The following PDE10A variants were observed in gnomAD, a reference collection of about 807,000 sequenced individuals.
PDE10A encodes the protein phosphodiesterase 10A.
PDE10A carries 39 observed loss-of-function variants against 97.7 expected under a neutral mutation model. The ratio of observed to expected loss-of-function variants is 0.40; its 90% CI spans 0.31 to 0.52. PDE10A has a LOEUF of 0.52. Among genes scored for constraint, PDE10A ranks in the 20% least tolerant of loss-of-function variants. The pLI is 0.56. For synonymous variants in PDE10A, 371 were observed against 376.8 expected, an observed-to-expected ratio of 0.98 and a Z score of 0.18; for missense variants, 731 against 1,047.8, an observed-to-expected ratio of 0.70 and a Z score of 4.17.
chr6:165,475,168 G>C (rs1779225926), intron 3 of PDE10A, among the ~76,000 whole-genome samples: 1 of 151,968 alleles, frequency 6.6e-6, no homozygotes, highest in Non-Finnish European at 1.5e-5. Flanking sequence ...TCACACTTTT[G>C]CCCTAACCGA....
chr6:165,479,391 T>C (rs963719297), intron 3 of PDE10A, among the ~76,000 whole-genome samples: 3 of 152,106 alleles, frequency 2.0e-5, no homozygotes, highest in Non-Finnish European at 4.4e-5. Flanking sequence ...ACTCTGCACC[T>C]GTCACAATGG....
intron 1 of PDE10A, among the ~76,000 whole-genome samples, chr6:165,942,487 T>C (rs1783560819): frequency 6.6e-6 from 1 of 152,086 alleles, no homozygotes; most frequent in South Asian, 2.1e-4. Flanking sequence ...GGGAGATGTG[T>C]TCGGTGTGTG....
chr6:165,642,019 T>A (rs914444952), intron 1 of PDE10A, among the ~76,000 whole-genome samples: 1 of 4,798 alleles, frequency 2.1e-4, no homozygotes, highest in Non-Finnish European at 7.2e-4. Context: ...ATCATGAACG[T>A]GTGTGTGTGT....
intron 1 of PDE10A, among the ~76,000 whole-genome samples, chr6:165,738,919 G>T (rs951634618): frequency 1.3e-5 from 2 of 152,136 alleles, no homozygotes; most frequent in Admixed American, 1.3e-4. Context: ...AAAATATTCA[G>T]AAATATATTT....
At chr6:165,542,609 G>GTTTTTTTTTTTTTTTTTTTTTTTTTT (rs1783506131) in intron 2 of PDE10A, among the ~76,000 whole-genome samples, 1 of 95,916 alleles carries the variant, frequency 1.0e-5, no homozygotes, top group Non-Finnish European at 2.1e-5. Context: ...AGATGTCCTT[G>GTTTTTTTTTTTTTTTTTTTTTTTTTT]TTCTTTTTTT....
Position 165,348,732 on chromosome 6 carries a change from CAT to C in PDE10A, c.2784-5232_2784-5231del, listed in dbSNP as rs533523021. On this transcript the variant is annotated intron_variant, in intron 18 of 21. Coordinates refer to ENST00000539869, the MANE Select transcript of PDE10A (RefSeq NM_001385079.1). The stretch of plus-strand genomic sequence containing the variant: ...TGAATTGTAGTTCCCATAATCTCCA[CAT>C]GTTGTGGGAGAGATGAGGTGGAGAT... Among the ~76,000 whole-genome samples, 112 of 152,346 alleles carry C rather than the reference CAT, an allele frequency of 7.4e-4. 1 individual carries two copies. Among genetic ancestry groups the C allele is most frequent in the African/African-American group, 2.6e-3 (109 of 41,572 alleles).
In PDE10A at chr6:165,976,844, C is replaced by T. The variant is rs75498204; in HGVS notation, c.-615+10685G>A. Among the ~76,000 whole-genome samples the T allele has an allele frequency of 7.7e-3, 1,175 of 152,316 alleles. 14 individuals carry two copies. The highest frequency in any genetic ancestry group is 0.027 in the African/African-American group (1,129 of 41,574). On this transcript the variant is annotated intron_variant, in intron 1 of 19. Transcript: ENST00000366882. The stretch of plus-strand genomic sequence containing the variant: ...AGCCACCCTGCAGCAGGGCCCTCCT[C>T]GGGCTGTGCGCCATGCCATCCTCCT...
chr6:165,533,853 T>C (rs937988413), intron 2 of PDE10A, among the ~76,000 whole-genome samples: 4 of 150,456 alleles, frequency 2.7e-5, no homozygotes, highest in Non-Finnish European at 5.9e-5. Flanking sequence ...AGCTATTATA[T>C]TTATTTGAAT....
At chr6:165,889,302 TAATG>T (rs1781712670) in intron 1 of PDE10A, among the ~76,000 whole-genome samples, 1 of 152,212 alleles carries the variant, frequency 6.6e-6, no homozygotes, top group Non-Finnish European at 1.5e-5. Context: ...CTTAGTTAGA[TAATG>T]AATTATTTGC....
intron 5 of PDE10A, among the ~76,000 whole-genome samples, chr6:165,443,356 T>C (rs1420031068): frequency 6.6e-6 from 1 of 152,114 alleles, no homozygotes; most frequent in African/African-American, 2.4e-5. Context: ...ATAATCTCCT[T>C]TGACTCCATG....
At chr6:165,375,792 G>A (rs376299502) in intron 18 of PDE10A, among the ~76,000 whole-genome samples, 2 of 152,142 alleles carry the variant, frequency 1.3e-5, no homozygotes, top group African/African-American at 4.8e-5. Flanking sequence ...AAAAATTCTA[G>A]GGTCCTTAAG....
chr6:165,379,367 C>T lies in PDE10A; in HGVS notation c.2611-1G>A. On this transcript the variant is annotated splice_acceptor_variant, in intron 17 of 21. Coordinates refer to ENST00000539869, the MANE Select transcript of PDE10A (RefSeq NM_001385079.1). LOFTEE classifies it high-confidence loss of function. ...TGGAGAAGATATTGTGCCCTTCCAACTAGGGAAAAAATACAAATAAAAACC... is the reference window on the plus strand; with the variant it reads ...TGGAGAAGATATTGTGCCCTTCCAATTAGGGAAAAAATACAAATAAAAACC... 6.2e-7 allele frequency: 1 copy of T among 1,603,410 alleles called. No individual in the cohort carries two copies. The highest frequency in any genetic ancestry group is 8.5e-7 in the Non-Finnish European group (1 of 1,176,542).
chr6:165,834,124 G>A (rs1048601102), intron 1 of PDE10A, among the ~76,000 whole-genome samples: 1 of 152,198 alleles, frequency 6.6e-6, no homozygotes, highest in African/African-American at 2.4e-5. Context: ...ATGTAGGTGT[G>A]GCAACACCTG....
chr6:165,515,380 G>GA (rs1393684700), intron 2 of PDE10A, among the ~76,000 whole-genome samples: 1 of 151,728 alleles, frequency 6.6e-6, no homozygotes, highest in Non-Finnish European at 1.5e-5. Context: ...ATAATTACAT[G>GA]AAATTCTAAA....
chr6:165,943,234 A>AGAAGGAAGGAAGGAAGGAAG (rs1192602938), intron 1 of PDE10A, among the ~76,000 whole-genome samples: 6 of 34,040 alleles, frequency 1.8e-4, no homozygotes, highest in African/African-American at 5.3e-4. Context: ...AAAGAAAGAA[A>AGAAGGAAGGAAGGAAGGAAG]GAAGGAAGGA....
rs367826095 is a variant in PDE10A at position 165,974,866 on chromosome 6, C to G, written c.-615+12663G>C. Reference sequence around the variant, plus strand: ...GGAACAGAGGGTGACTGTCGTGCCTCTCTGCACAGTTTTCTCTTGAACTTT... The same window carrying G: ...GGAACAGAGGGTGACTGTCGTGCCTGTCTGCACAGTTTTCTCTTGAACTTT... On this transcript the variant is annotated intron_variant, in intron 1 of 19. Coordinates refer to the PDE10A transcript ENST00000366882. Among the ~76,000 whole-genome samples the G allele has an allele frequency of 2.7e-4, 41 of 152,348 alleles. 1 individual carries two copies. The highest frequency in any genetic ancestry group is 9.4e-4 in the African/African-American group (39 of 41,582).
At position 165,390,233 on chromosome 6, in the gene PDE10A, T is replaced by C. The variant is rs191882103; in HGVS notation, c.2455-1780A>G. Among the ~76,000 whole-genome samples, 923 of 152,286 alleles carry C rather than the reference T, an allele frequency of 6.1e-3. 4 individuals carry two copies. Among genetic ancestry groups the C allele is most frequent in the Non-Finnish European group, 9.7e-3 (662 of 68,016 alleles). ...TCGCAGGAAAACCAAGAGTGCCGAATGTCCCGGGATTCGATTGAAGACACT... is the reference window on the plus strand; with the variant it reads ...TCGCAGGAAAACCAAGAGTGCCGAACGTCCCGGGATTCGATTGAAGACACT... On this transcript the variant is annotated intron_variant, in intron 16 of 21. Transcript: ENST00000539869.
At chr6:165,914,492 T>C (rs1333392628) in intron 1 of PDE10A, among the ~76,000 whole-genome samples, 1 of 152,134 alleles carries the variant, frequency 6.6e-6, no homozygotes, top group Non-Finnish European at 1.5e-5. Context: ...TTTTCCCAGC[T>C]GAGAAACAGA....
intron 1 of PDE10A, among the ~76,000 whole-genome samples, chr6:165,735,350 G>A (rs1049070378): frequency 7.6e-5 from 11 of 144,812 alleles, no homozygotes; most frequent in Non-Finnish European, 1.7e-4. Context: ...AGATAGATGG[G>A]TAGGTAGATA....
Sources: gnomAD v4.1 joint callset for allele counts (sites outside exome capture counted in the v4.1 genomes callset) on GRCh38, gnomAD v4.1.1 for gene constraint, MANE v1.5 for transcripts, NCBI Gene and HGNC (gene_info 2026-07-23, HGNC 2026-07-21) for gene names.